The following TOX variants were observed in gnomAD, a reference collection of about 807,000 sequenced individuals.
TOX encodes the protein thymocyte selection-associated high mobility group box protein TOX.
Under a neutral mutation model 53.7 loss-of-function variants are expected in TOX, and 11 were observed. The observed-to-expected ratio is 0.20, with a 90% CI of 0.13 to 0.34. TOX has a LOEUF of 0.34. Ranked by LOEUF, TOX falls within the 10% of genes least tolerant of loss-of-function variation. The probability of loss-of-function intolerance (pLI) is 1.00; values close to 1 mark genes in which losing one functional copy is unlikely to be tolerated. For synonymous variants in TOX, 225 were observed against 245.3 expected (o/e 0.92, Z 0.77); for missense variants, 570 against 664.6 (o/e 0.86, Z 1.56).
At chr8:58,816,389 TC>T (rs1276087939) in intron 6 of TOX, among the ~76,000 whole-genome samples, 1 of 152,220 alleles carries the variant, frequency 6.6e-6, no homozygotes, top group Admixed American at 6.5e-5. Flanking sequence ...AATTTTAGAC[TC>T]CATCATAAAT....
intron 7 of TOX, among the ~76,000 whole-genome samples, chr8:58,811,639 AC>A (rs1477819510): frequency 6.6e-6 from 1 of 152,214 alleles, no homozygotes; most frequent in Non-Finnish European, 1.5e-5. Context: ...TTTAAATTAC[AC>A]CCAAATCCTA....
intron 6 of TOX, among the ~76,000 whole-genome samples, chr8:58,826,443 CT>C: frequency 6.6e-6 from 1 of 152,272 alleles, no homozygotes; most frequent in South Asian, 2.1e-4. Context: ...CCTCCTAATG[CT>C]GCTGTAATGA....
chr8:58,882,656 G>T (rs1022683622), intron 3 of TOX, among the ~76,000 whole-genome samples: 1 of 152,152 alleles, frequency 6.6e-6, no homozygotes, highest in African/African-American at 2.4e-5. Flanking sequence ...TGTTAAAAAG[G>T]TAAGTTCAAG....
At chr8:58,955,951 T>A (rs896968156) in intron 2 of TOX, among the ~76,000 whole-genome samples, 1 of 151,940 alleles carries the variant, frequency 6.6e-6, no homozygotes, top group Admixed American at 6.6e-5. Context: ...GCCAGGCTGG[T>A]CTCGAACTCC....
chr8:58,879,051 A>C (rs952942790), intron 3 of TOX, among the ~76,000 whole-genome samples: 2 of 135,588 alleles, frequency 1.5e-5, no homozygotes, highest in African/African-American at 6.4e-5. Context: ...ACAAAGCAAG[A>C]CTTCATCTCA....
intron 6 of TOX, 148 bp from the exon 7 acceptor site, chr8:58,815,872 A>G: frequency 1.2e-6 from 1 of 845,546 alleles, no homozygotes; most frequent in Non-Finnish European, 1.7e-6. Flanking sequence ...TTTCTTCACC[A>G]TTATTTGTAA....
At chr8:58,998,793 T>A (rs112023349) in intron 1 of TOX, among the ~76,000 whole-genome samples, 2,931 of 151,918 alleles carry the variant, frequency 0.019, 111 homozygotes, top group African/African-American at 0.067. Flanking sequence ...ATTCAGATAG[T>A]CTTCCTATTT....
chr8:58,879,528 T>TTAGTTA (rs10685317), intron 3 of TOX, among the ~76,000 whole-genome samples: 64,456 of 151,494 alleles, frequency 0.43, 16,167 homozygotes, highest in African/African-American at 0.7. Flanking sequence ...AAACATATTT[T>TTAGTTA]TAGTTATTAC....
intron 1 of TOX, 87 bp from the exon 2 acceptor site, chr8:58,960,095 C>T: frequency 7.0e-7 from 1 of 1,438,012 alleles, no homozygotes; most frequent in Non-Finnish European, 9.7e-7. Flanking sequence ...TTTTAACCAT[C>T]AAACTGGAAA....
intron 1 of TOX, 146 bp from the exon 2 acceptor site, chr8:58,960,154 C>T (rs1156366775): frequency 3.7e-6 from 3 of 816,058 alleles, no homozygotes; most frequent in African/African-American, 1.7e-5. Flanking sequence ...AAATCTGTCA[C>T]AGCAAGCGAG....
intron 1 of TOX, among the ~76,000 whole-genome samples, chr8:59,101,484 C>A (rs888647313): frequency 6.6e-6 from 1 of 152,070 alleles, no homozygotes; most frequent in Admixed American, 6.5e-5. Context: ...ATTAATTTTT[C>A]ATTTTATTTT....
At chr8:59,106,067 AAGAAATGAACATTCAT>A (rs1804894510) in intron 1 of TOX, among the ~76,000 whole-genome samples, 1 of 152,192 alleles carries the variant, frequency 6.6e-6, no homozygotes, top group South Asian at 2.1e-4. Flanking sequence ...CCATTTTTCT[AAGAAATGAACATTCAT>A]ATGTTTAATA....
chr8:58,871,466 A>G (rs895816279), intron 3 of TOX, among the ~76,000 whole-genome samples: 9 of 152,176 alleles, frequency 5.9e-5, no homozygotes, highest in Non-Finnish European at 8.8e-5. Context: ...TGACAAAAGA[A>G]GCTTAATGTA....
At chr8:59,007,712 A>C (rs1237093320) in intron 1 of TOX, among the ~76,000 whole-genome samples, 1 of 152,218 alleles carries the variant, frequency 6.6e-6, no homozygotes, top group Non-Finnish European at 1.5e-5. Context: ...AGTGTTTGGC[A>C]CTTTTAGGTA....
At chr8:58,927,423 G>C (rs1046902945) in intron 3 of TOX, among the ~76,000 whole-genome samples, 16 of 152,068 alleles carry the variant, frequency 1.1e-4, no homozygotes, top group African/African-American at 3.6e-4. Context: ...CAGAAATGTA[G>C]AGGAGATCTG....
chr8:59,009,629 C>G (rs1299874967), intron 1 of TOX, among the ~76,000 whole-genome samples: 1 of 152,098 alleles, frequency 6.6e-6, no homozygotes, highest in Non-Finnish European at 1.5e-5. Context: ...CACCACGACT[C>G]CCAAAATGCT....
chr8:59,037,032 G>T (rs74851507), intron 1 of TOX, among the ~76,000 whole-genome samples: 2,249 of 152,226 alleles, frequency 0.015, 74 homozygotes, highest in African/African-American at 0.051. Context: ...CTCATAGTTT[G>T]ACTACATGGG....
At chr8:58,831,575 T>A (rs1216047580) in intron 5 of TOX, among the ~76,000 whole-genome samples, 1 of 152,214 alleles carries the variant, frequency 6.6e-6, no homozygotes, top group Non-Finnish European at 1.5e-5. Flanking sequence ...AAAACCATGG[T>A]GTGAATAAAA....
chr8:58,892,592 G>T (rs1232629609), intron 3 of TOX, among the ~76,000 whole-genome samples: 44 of 152,184 alleles, frequency 2.9e-4, no homozygotes, highest in Admixed American at 2.9e-3. Context: ...CAAGAACACT[G>T]CCCGTACAGG....
Sources: allele counts gnomAD v4.1 joint callset (sites outside exome capture counted in the v4.1 genomes callset), GRCh38; gene constraint gnomAD v4.1.1; transcripts MANE v1.5; gene names NCBI Gene and HGNC (gene_info 2026-07-23, HGNC 2026-07-21).